Variants in CNTN1 observed in about 807,000 individuals in gnomAD.
CNTN1 encodes contactin 1, also known as contactin-1.
In CNTN1, 38 loss-of-function variants were observed where a neutral mutation model predicts 126.4. The ratio of observed to expected loss-of-function variants is 0.30; its 90% CI spans 0.23 to 0.39. The LOEUF is 0.39. Among genes scored for constraint, CNTN1 ranks in the 10% least tolerant of loss-of-function variants. CNTN1 has a pLI of 1.00. For missense variants in CNTN1, 1,009 were observed against 1,248.4 expected, an observed-to-expected ratio of 0.81 and a Z score of 2.89; for synonymous variants, 413 against 422.6, an observed-to-expected ratio of 0.98 and a Z score of 0.28.
intron 3 of CNTN1, among the ~76,000 whole-genome samples, chr12:40,915,014 C>A (rs1442524074): frequency 6.6e-6 from 1 of 151,862 alleles, no homozygotes; most frequent in Non-Finnish European, 1.5e-5. Flanking sequence ...TTGCTAGCAC[C>A]TTTTTCTTTT....
rs397967 is a variant in CNTN1, at chr12:41,014,332, G to A, written c.2184+34G>A. The A allele has an allele frequency of 0.031, 49,866 of 1,602,166 alleles. 1,787 individuals are homozygous for A. The highest frequency in any genetic ancestry group is 0.18 in the African/African-American group (13,546 of 74,750). On this transcript the variant is annotated intron_variant, in intron 18 of 23. Coordinates refer to ENST00000551295, the MANE Select transcript of CNTN1 (RefSeq NM_001843.4). ...TGATGAGTTGCACATATTATAGGTT[G>A]CTGTATCTATATTTAACTTCCACCC...
intron 1 of CNTN1, among the ~76,000 whole-genome samples, chr12:40,730,791 G>A (rs985282130): frequency 6.6e-6 from 1 of 152,020 alleles, no homozygotes; most frequent in African/African-American, 2.4e-5. Flanking sequence ...CATTTCCATT[G>A]CTTTTATTAT....
chr12:40,933,584 A>AAT (rs1192608555), intron 8 of CNTN1, 24 bp downstream of exon 8: 15 of 1,537,038 alleles, frequency 9.8e-6, no homozygotes, highest in Non-Finnish European at 1.4e-5. Flanking sequence ...CACTTTTATT[A>AAT]ATATATATAG....
intron 6 of CNTN1, among the ~76,000 whole-genome samples, chr12:40,926,568 C>T (rs1223552184): frequency 6.6e-6 from 1 of 151,988 alleles, no homozygotes; most frequent in Non-Finnish European, 1.5e-5. Flanking sequence ...AGAGGAGACA[C>T]ATGACATGAC....
At chr12:40,708,505 C>T (rs2053630) in intron 1 of CNTN1, among the ~76,000 whole-genome samples, 6,729 of 152,212 alleles carry the variant, frequency 0.044, 307 homozygotes, top group African/African-American at 0.12. Context: ...TTTCTGAAGA[C>T]TGATTTAGGG....
intron 1 of CNTN1, among the ~76,000 whole-genome samples, chr12:40,794,244 G>T (rs1940326004): frequency 6.6e-6 from 1 of 152,032 alleles, no homozygotes; most frequent in African/African-American, 2.4e-5. Context: ...TGAGAGTAAT[G>T]CCCTGGTGAC....
chr12:40,947,828 CAT>C lies in CNTN1; in HGVS notation c.1683+3661_1683+3662del, dbSNP rs1555186380. ...ACACACACACACACACACACACACA[CAT>C]ATGTATTACTCTTATTACAAATACA... On this transcript the variant is annotated intron_variant, in intron 14 of 23. Transcript: ENST00000551295. 6.3e-5 allele frequency among the ~76,000 whole-genome samples: 9 copies of C among 142,962 alleles called. No homozygotes were observed. In the South Asian group the frequency reaches 6.8e-4, roughly 11 times the overall value. 93.8% of individuals were successfully genotyped at this position (142,962 alleles called of 152,430 possible).
chr12:40,756,893 T>G (rs2136408169), intron 1 of CNTN1, among the ~76,000 whole-genome samples: 1 of 152,232 alleles, frequency 6.6e-6, no homozygotes, highest in South Asian at 2.1e-4. Context: ...TTGAAAACAG[T>G]TTTGCTAGTC....
At chr12:40,772,228 T>C (rs1939366471) in intron 1 of CNTN1, among the ~76,000 whole-genome samples, 1 of 152,062 alleles carries the variant, frequency 6.6e-6, no homozygotes, top group African/African-American at 2.4e-5. Context: ...CTTCAAGTAT[T>C]TGTGCTTTAA....
intron 1 of CNTN1, among the ~76,000 whole-genome samples, chr12:40,706,647 A>G (rs1308010711): frequency 6.6e-6 from 1 of 152,226 alleles, no homozygotes; most frequent in East Asian, 1.9e-4. Context: ...AGAATATTTT[A>G]GAAATGTTCT....
chr12:41,036,060 C>T (rs1341780115), intron 23 of CNTN1, among the ~76,000 whole-genome samples: 1 of 152,022 alleles, frequency 6.6e-6, no homozygotes, highest in Non-Finnish European at 1.5e-5. Flanking sequence ...GAAAGCAAGT[C>T]TGAGACACAA....
At chr12:40,965,522 C>CCTA (rs1947274827) in intron 15 of CNTN1, among the ~76,000 whole-genome samples, 1 of 152,084 alleles carries the variant, frequency 6.6e-6, no homozygotes, top group Non-Finnish European at 1.5e-5. Flanking sequence ...TCTTTCTGTT[C>CCTA]CTACTATCTG....
chr12:40,931,856 A>T (rs536509418), intron 7 of CNTN1, among the ~76,000 whole-genome samples: 1 of 151,906 alleles, frequency 6.6e-6, no homozygotes, highest in South Asian at 2.1e-4. Flanking sequence ...TGAGCCTTTA[A>T]TCTACACCTT....
chr12:40,781,072 T>G (rs1385929684), intron 1 of CNTN1, among the ~76,000 whole-genome samples: 2 of 151,850 alleles, frequency 1.3e-5, no homozygotes, highest in Non-Finnish European at 2.9e-5. Context: ...ACCAAATAGA[T>G]GAAATAAATC....
At chr12:41,033,727 A>G (rs1949194894) in intron 23 of CNTN1, among the ~76,000 whole-genome samples, 1 of 152,086 alleles carries the variant, frequency 6.6e-6, no homozygotes, top group Non-Finnish European at 1.5e-5. Context: ...GGTTATTGCC[A>G]TAGAATGATT....
At chr12:40,911,399 T>A (rs1945031073) in intron 3 of CNTN1, among the ~76,000 whole-genome samples, 1 of 152,112 alleles carries the variant, frequency 6.6e-6, no homozygotes, top group Admixed American at 6.5e-5. Flanking sequence ...ACTTCTTACA[T>A]GGCCGCAGCA....
intron 9 of CNTN1, among the ~76,000 whole-genome samples, chr12:40,934,362 A>G (rs1395173404): frequency 6.6e-6 from 1 of 152,028 alleles, no homozygotes; most frequent in East Asian, 1.9e-4. Flanking sequence ...ATTTTTAACA[A>G]ATTCCCAAAG....
At chr12:40,800,507 C>T (rs1342459319) in intron 1 of CNTN1, among the ~76,000 whole-genome samples, 1 of 151,894 alleles carries the variant, frequency 6.6e-6, no homozygotes, top group African/African-American at 2.4e-5. Context: ...ATATTTTCTA[C>T]TGTTAAGCAA....
intron 14 of CNTN1, among the ~76,000 whole-genome samples, chr12:40,947,378 T>A (rs1946469287): frequency 6.6e-6 from 1 of 152,062 alleles, no homozygotes; most frequent in Non-Finnish European, 1.5e-5. Context: ...TTTATTTTGT[T>A]GATGTTATAT....
Sources: allele counts gnomAD v4.1 joint callset (sites outside exome capture counted in the v4.1 genomes callset), GRCh38; gene constraint gnomAD v4.1.1; transcripts MANE v1.5; gene names NCBI Gene and HGNC (gene_info 2026-07-23, HGNC 2026-07-21).